The following ANGPT1 variants were observed in gnomAD, a reference collection of about 807,000 sequenced individuals.
The protein encoded by ANGPT1 is angiopoietin-1.
ANGPT1 carries 17 observed loss-of-function variants against 62.2 expected under a neutral mutation model. The ratio of observed to expected loss-of-function variants is 0.27; its 90% CI spans 0.19 to 0.41. The LOEUF (loss-of-function observed/expected upper bound fraction) is 0.41, where lower values mean the gene tolerates loss of function less well. Among genes scored for constraint, ANGPT1 ranks in the 10% least tolerant of loss-of-function variants. The pLI is 1.00. For synonymous variants in ANGPT1, 199 were observed against 198.9 expected (o/e 1.00, Z 0.00); for missense variants, 478 against 594.9 (o/e 0.80, Z 2.04).
At chr8:107,481,927 C>A (rs1435723464) in intron 1 of ANGPT1, among the ~76,000 whole-genome samples, 3 of 152,158 alleles carry the variant, frequency 2.0e-5, no homozygotes, top group African/African-American at 7.2e-5. Flanking sequence ...ATAGGAACTA[C>A]AATTCAAGAT....
At chr8:107,343,216 T>C (rs1031459362) in intron 2 of ANGPT1, among the ~76,000 whole-genome samples, 3 of 152,004 alleles carry the variant, frequency 2.0e-5, no homozygotes, top group Non-Finnish European at 1.5e-5. Flanking sequence ...GATGATTAAA[T>C]GGGATTAAAC....
Position 107,321,933 on chromosome 8 carries a change from TGTGTCCATCAGCTCCA to T in ANGPT1, c.755_770del (p.Leu252GlnfsTer16). 6.2e-7 allele frequency: 1 copy of T among 1,614,046 alleles called. No individual in the cohort carries two copies. Among genetic ancestry groups the T allele is most frequent in the Non-Finnish European group, 8.5e-7 (1 of 1,179,890 alleles). On this transcript the variant is annotated frameshift_variant, in exon 4 of 9. Transcript: ENST00000517746. LOFTEE classifies it high-confidence loss of function. ...TGCAAAGATTGACAAGGTTGTGGAC[TGTGTCCATCAGCTCCA>T]GTTGCTGCTTCTGAAGGACACTGTT...
chr8:107,280,453 G>A (rs1475498823), intron 7 of ANGPT1, among the ~76,000 whole-genome samples: 3 of 152,144 alleles, frequency 2.0e-5, no homozygotes, highest in South Asian at 2.1e-4. Context: ...GAAGAAAGAA[G>A]CGCTTTAGTA....
intron 1 of ANGPT1, among the ~76,000 whole-genome samples, chr8:107,481,439 C>T (rs1776485779): frequency 7.1e-6 from 1 of 141,040 alleles, no homozygotes; most frequent in Non-Finnish European, 1.5e-5. Flanking sequence ...GAGGCTGAGG[C>T]AGGAGTATCA....
At chr8:107,341,816 A>G (rs931767642) in intron 2 of ANGPT1, among the ~76,000 whole-genome samples, 2 of 151,980 alleles carry the variant, frequency 1.3e-5, no homozygotes, top group African/African-American at 4.8e-5. Context: ...CAGAGAGTCT[A>G]TCTCCGGAGT....
intron 1 of ANGPT1, among the ~76,000 whole-genome samples, chr8:107,408,660 G>A (rs1183213652): frequency 1.3e-5 from 2 of 152,080 alleles, no homozygotes; most frequent in Non-Finnish European, 2.9e-5. Context: ...TCTTATCTTT[G>A]GAATTTTGGA....
At chr8:107,444,302 C>T (rs1462357906) in intron 1 of ANGPT1, among the ~76,000 whole-genome samples, 2 of 152,150 alleles carry the variant, frequency 1.3e-5, no homozygotes, top group Non-Finnish European at 2.9e-5. Context: ...GATTTCTGAG[C>T]ATCATTATCT....
chr8:107,366,480 T>C (rs1172665506), intron 1 of ANGPT1, among the ~76,000 whole-genome samples: 1 of 152,176 alleles, frequency 6.6e-6, no homozygotes, highest in Non-Finnish European at 1.5e-5. Context: ...TGAAATACGT[T>C]TGCTGTGTTT....
At chr8:107,391,513 A>G (rs1439224341) in intron 1 of ANGPT1, among the ~76,000 whole-genome samples, 1 of 152,108 alleles carries the variant, frequency 6.6e-6, no homozygotes, top group Non-Finnish European at 1.5e-5. Context: ...CTGACAATAC[A>G]AAAATTAGCC....
chr8:107,473,579 T>A (rs1024547259), intron 1 of ANGPT1, among the ~76,000 whole-genome samples: 1 of 152,112 alleles, frequency 6.6e-6, no homozygotes, highest in East Asian at 1.9e-4. Flanking sequence ...AATAATTTTA[T>A]TTTCAAAATG....
intron 1 of ANGPT1, among the ~76,000 whole-genome samples, chr8:107,477,409 G>A (rs1362710370): frequency 6.6e-6 from 1 of 152,180 alleles, no homozygotes; most frequent in Non-Finnish European, 1.5e-5. Flanking sequence ...TGAAAGATGA[G>A]ACTGGAGTAG....
chr8:107,374,437 T>C (rs1374380196), intron 1 of ANGPT1, among the ~76,000 whole-genome samples: 3 of 152,256 alleles, frequency 2.0e-5, no homozygotes. Context: ...CTGTATATTC[T>C]GGCAGGAGGT....
At position 107,284,693 on chromosome 8, in the gene ANGPT1, C is replaced by G. The variant is rs140355694; in HGVS notation, c.1194G>C (p.Lys398Asn). Reference sequence around the variant, plus strand: ...GTAGCATGACTTACCTATAGTTTTGCTTTTCATTTCCTATGTGGAATCTGT... The same window carrying G: ...GTAGCATGACTTACCTATAGTTTTGGTTTTCATTTCCTATGTGGAATCTGT... ...QYDRFHIGNE[K>N]QNYRLYLKGH... is the part of the protein sequence containing the mutation. The change falls in exon 7 of 9, where the codon AAG (lysine) becomes AAC (asparagine). Residue 398 changes from lysine (K) to asparagine (N), a missense_variant. This residue lies in a region of ANGPT1 where 81 missense variants were observed against 117.1 expected (regional missense o/e 0.69). Coordinates refer to ENST00000517746, the MANE Select transcript of ANGPT1 (RefSeq NM_001146.5). 2 of 1,574,444 alleles carry G rather than the reference C, an allele frequency of 1.3e-6. No individual in the cohort carries two copies. Among genetic ancestry groups the G allele is most frequent in the Admixed American group, 3.4e-5 (2 of 58,718 alleles).
chr8:107,337,925 T>C (rs1815604482), intron 2 of ANGPT1, among the ~76,000 whole-genome samples: 1 of 151,814 alleles, frequency 6.6e-6, no homozygotes, highest in South Asian at 2.1e-4. Flanking sequence ...CAAAACCCCA[T>C]CTCTACAAAA....
At chr8:107,395,393 C>G (rs1232700781) in intron 1 of ANGPT1, among the ~76,000 whole-genome samples, 1 of 152,124 alleles carries the variant, frequency 6.6e-6, no homozygotes, top group Non-Finnish European at 1.5e-5. Context: ...CATTTATATG[C>G]ATTTACTTCC....
chr8:107,386,793 C>T (rs759133977), intron 1 of ANGPT1, among the ~76,000 whole-genome samples: 1 of 152,088 alleles, frequency 6.6e-6, no homozygotes, highest in Non-Finnish European at 1.5e-5. Flanking sequence ...TACACTAACA[C>T]AGTCTCGAAG....
intron 6 of ANGPT1, among the ~76,000 whole-genome samples, chr8:107,292,870 T>C (rs1004301361): frequency 2.0e-5 from 3 of 152,152 alleles, no homozygotes; most frequent in Non-Finnish European, 4.4e-5. Flanking sequence ...GAGGCTAGTA[T>C]AGCATTTCTT....
chr8:107,257,013 C>A (rs147179569), intron 8 of ANGPT1, among the ~76,000 whole-genome samples: 1 of 151,994 alleles, frequency 6.6e-6, no homozygotes, highest in East Asian at 1.9e-4. Flanking sequence ...TCCGCTACCA[C>A]GCCTGGCTAA....
At chr8:107,289,929 AG>A (rs2130162467) in intron 6 of ANGPT1, among the ~76,000 whole-genome samples, 2 of 152,258 alleles carry the variant, frequency 1.3e-5, no homozygotes, top group Non-Finnish European at 2.9e-5. Flanking sequence ...AGGCCACTAA[AG>A]GGTATCCTTA....
Sources: gnomAD v4.1 joint callset for allele counts (sites outside exome capture counted in the v4.1 genomes callset) on GRCh38, gnomAD v4.1.1 for gene constraint, gnomAD v4.1.1 regional missense constraint, MANE v1.5 for transcripts, NCBI Gene and HGNC (gene_info 2026-07-23, HGNC 2026-07-21) for gene names.